ATP10A: variants seen among roughly 807,000 people sequenced by gnomAD.
The protein encoded by ATP10A is phospholipid-transporting ATPase VA.
Under a neutral mutation model 147.8 loss-of-function variants are expected in ATP10A, and 111 were observed. The observed-to-expected ratio is 0.75, with a 90% CI of 0.64 to 0.88. The LOEUF is 0.88. Ranked by LOEUF, ATP10A falls within the 40% of genes least tolerant of loss-of-function variation. The pLI, the probability that ATP10A is intolerant of heterozygous loss-of-function variation, is 0.00. For synonymous variants in ATP10A, 875 were observed against 841.6 expected (o/e 1.04, Z -0.69); for missense variants, 1,927 against 1,959.0 (o/e 0.98, Z 0.31).
intron 16 of ATP10A, among the ~76,000 whole-genome samples, chr15:25,684,310 G>T (rs1337369662): frequency 6.6e-6 from 1 of 152,192 alleles, no homozygotes; most frequent in African/African-American, 2.4e-5. Flanking sequence ...TGATTGCAAA[G>T]CATTCTAACA....
intron 1 of ATP10A, among the ~76,000 whole-genome samples, chr15:25,844,453 TATG>T (rs1268877559): frequency 6.6e-6 from 1 of 152,248 alleles, no homozygotes; most frequent in African/African-American, 2.4e-5. Context: ...CATTTGATTT[TATG>T]ATGTCATATT....
intron 3 of ATP10A, among the ~76,000 whole-genome samples, chr15:25,735,192 G>A (rs1887202871): frequency 6.6e-6 from 1 of 152,160 alleles, no homozygotes; most frequent in South Asian, 2.1e-4. Flanking sequence ...AGCTGGAACA[G>A]AGCTTGAGGG....
chr15:25,697,552 C>G (rs1596704313), intron 13 of ATP10A, among the ~76,000 whole-genome samples: 1 of 152,236 alleles, frequency 6.6e-6, no homozygotes, highest in East Asian at 1.9e-4. Flanking sequence ...ATTGAACATG[C>G]TGGAAATGAA....
intron 2 of ATP10A, among the ~76,000 whole-genome samples, chr15:25,759,783 TG>T (rs1888652091): frequency 6.8e-6 from 1 of 146,980 alleles, no homozygotes; most frequent in Non-Finnish European, 1.5e-5. Flanking sequence ...TACTCCAGCC[TG>T]GGTGGAGACC....
At chr15:25,690,499 C>G (rs1357302005) in intron 15 of ATP10A, among the ~76,000 whole-genome samples, 1 of 152,204 alleles carries the variant, frequency 6.6e-6, no homozygotes, top group Non-Finnish European at 1.5e-5. Flanking sequence ...CTTGTCCTTC[C>G]AAAGTACTGA....
At position 25,680,896 on chromosome 15, in the gene ATP10A, C is replaced by G; in HGVS notation, c.3592G>C (p.Val1198Leu). ...IPYLAYYDSNVDLFTWGTPIV... is the reference protein window; with the variant it reads ...IPYLAYYDSNLDLFTWGTPIV... ...GGGGTCCCCCAGGTAAACAGGTCCA[C>G]GTTCGAGTCATAGTAGGCCTGAAAG... Residue 1198 changes from valine (V) to leucine (L), a missense_variant, in exon 19 of 21, where the codon GTG becomes CTG. Physicochemically the swap from Val to Leu is conservative, Grantham distance 32. Coordinates refer to ENST00000555815, the MANE Select transcript of ATP10A (RefSeq NM_024490.4). The G allele has an allele frequency of 6.2e-7, 1 of 1,614,120 alleles. No homozygotes were observed. Among genetic ancestry groups the G allele is most frequent in the South Asian group, 1.1e-5 (1 of 91,086 alleles).
chr15:25,859,326 A>C (rs371331728), intron 1 of ATP10A, among the ~76,000 whole-genome samples: 3 of 152,296 alleles, frequency 2.0e-5, no homozygotes, highest in African/African-American at 7.2e-5. Flanking sequence ...CCAAGCCTCA[A>C]ATGAAAGCCG....
chr15:25,674,767 T>C (rs1899104597), downstream of ATP10A, among the ~76,000 whole-genome samples: 1 of 152,184 alleles, frequency 6.6e-6, no homozygotes, highest in Non-Finnish European at 1.5e-5. Flanking sequence ...AGCTAGGAAA[T>C]ACCACTTTCT....
rs918492123 is a variant in ATP10A, at chr15:25,723,364, AG to A, written c.1110+526del. ...TCTGTCTAAAAAAAAAAAGAAAAAG[AG>A]AAAAAAAAAACAAAGTGAAGGACTA... On this transcript the variant is annotated intron_variant, in intron 6 of 20. Coordinates refer to ENST00000555815, the MANE Select transcript of ATP10A (RefSeq NM_024490.4). Among the ~76,000 whole-genome samples, 52 of 35,446 alleles carry A rather than the reference AG, an allele frequency of 1.5e-3. No individual in the cohort carries two copies. The South Asian group carries it at 0.021, about 14-fold the overall frequency. 23.3% of individuals were successfully genotyped at this position (35,446 alleles called of 152,430 possible).
intron 1 of ATP10A, among the ~76,000 whole-genome samples, chr15:25,786,597 C>T (rs1890168932): frequency 6.9e-6 from 1 of 144,804 alleles, no homozygotes; most frequent in Admixed American, 7.0e-5. Flanking sequence ...TTCCTCTCAG[C>T]ATTGAGACAT....
intron 2 of ATP10A, among the ~76,000 whole-genome samples, chr15:25,750,456 A>C (rs1888086408): frequency 6.6e-6 from 1 of 152,138 alleles, no homozygotes; most frequent in Non-Finnish European, 1.5e-5. Context: ...TGATAAAGGA[A>C]GCCATTCAGG....
At position 25,718,351 on chromosome 15, in the gene ATP10A, A is replaced by C. The variant is rs1596748710; in HGVS notation, c.1412T>G (p.Val471Gly). The change falls in exon 8 of 21, where the codon GTG becomes GGG. Residue 471 changes from valine to glycine, a missense_variant. Coordinates refer to ENST00000555815, the MANE Select transcript of ATP10A (RefSeq NM_024490.4). ...YQEADSEEEE[V>G]VPRGGSVSQR... Reference sequence around the variant, plus strand: ...GGACACCGAGCCCCCTCTGGGCACCACCTCCTCCTCCTCCGAGTCTGCCTC... The same window carrying C: ...GGACACCGAGCCCCCTCTGGGCACCCCCTCCTCCTCCTCCGAGTCTGCCTC... The C allele has an allele frequency of 6.2e-7, 1 of 1,608,898 alleles. No individual in the cohort carries two copies. Among genetic ancestry groups the C allele is most frequent in the South Asian group, 1.1e-5 (1 of 90,480 alleles).
chr15:25,862,328 T>C, intron 1 of ATP10A: 1 of 560,274 alleles, frequency 1.8e-6, no homozygotes, highest in Non-Finnish European at 3.4e-6. Context: ...TCACTTCAGG[T>C]GGGAGCGGCT....
chr15:25,754,290 T>C (rs969221095), intron 2 of ATP10A, among the ~76,000 whole-genome samples: 4 of 152,120 alleles, frequency 2.6e-5, no homozygotes, highest in Non-Finnish European at 4.4e-5. Context: ...CGTGCCACCA[T>C]GCCCAGCTAA....
At chr15:25,687,616 C>A in intron 16 of ATP10A, 87 bp downstream of exon 16, 1 of 930,612 alleles carries the variant, frequency 1.1e-6, no homozygotes, top group Non-Finnish European at 1.3e-6. Flanking sequence ...CTCCCATCTG[C>A]TCCATCCTCC....
intron 2 of ATP10A, among the ~76,000 whole-genome samples, chr15:25,749,945 A>G (rs1888059482): frequency 6.6e-6 from 1 of 152,178 alleles, no homozygotes; most frequent in African/African-American, 2.4e-5. Context: ...TAAGAGAAAA[A>G]AGAATCAAAA....
chr15:25,744,927 G>A (rs1310471272), intron 2 of ATP10A, among the ~76,000 whole-genome samples: 3 of 152,176 alleles, frequency 2.0e-5, no homozygotes, highest in Admixed American at 6.5e-5. Context: ...TGACTAAAAA[G>A]CAACAAACCG....
chr15:25,712,391 A>G (rs1294718780), intron 10 of ATP10A, among the ~76,000 whole-genome samples: 1 of 152,192 alleles, frequency 6.6e-6, no homozygotes, highest in Non-Finnish European at 1.5e-5. Flanking sequence ...ACAGGACTGG[A>G]CAGGCCTCGC....
chr15:25,679,506 C>T lies in ATP10A; in HGVS notation c.4335G>A (p.Ser1445=), dbSNP rs375690149. The T allele has an allele frequency of 1.8e-5, 29 of 1,613,684 alleles. No individual in the cohort carries two copies. Among genetic ancestry groups the T allele is most frequent in the East Asian group, 1.1e-4 (5 of 44,866 alleles). Residue 1445 remains serine (S), a synonymous_variant, in exon 21 of 21, where the codon TCG becomes TCA. Coordinates refer to ENST00000555815, the MANE Select transcript of ATP10A (RefSeq NM_024490.4). ...FSLLNWISSW[S]LVSRLGSVLQ... ...AGACACTCCCCAGCCTGCTGACCAG[C>T]GACCAGGAGGAAATCCAGTTGAGTA...
Sources: allele counts gnomAD v4.1 joint callset (sites outside exome capture counted in the v4.1 genomes callset), GRCh38; gene constraint gnomAD v4.1.1; transcripts MANE v1.5; gene names NCBI Gene and HGNC (gene_info 2026-07-23, HGNC 2026-07-21).